The following SLC5A12 variants were observed in gnomAD, a reference collection of about 807,000 sequenced individuals.
SLC5A12 encodes solute carrier family 5 member 12, also known as sodium-coupled monocarboxylate transporter 2.
In SLC5A12, 46 loss-of-function variants were observed where a neutral mutation model predicts 72.7. The ratio of observed to expected loss-of-function variants is 0.63; its 90% CI spans 0.50 to 0.81. The LOEUF (loss-of-function observed/expected upper bound fraction) is 0.81. Among genes scored for constraint, SLC5A12 ranks in the 30% least tolerant of loss-of-function variants. The pLI is 0.00. For missense variants in SLC5A12, 683 were observed against 740.7 expected, an observed-to-expected ratio of 0.92 and a Z score of 0.90; for synonymous variants, 275 against 264.4, an observed-to-expected ratio of 1.04 and a Z score of -0.39.
chr11:26,685,628 A>AAC (rs1854513236), intron 10 of SLC5A12, among the ~76,000 whole-genome samples: 1 of 151,484 alleles, frequency 6.6e-6, no homozygotes, highest in Non-Finnish European at 1.5e-5. Flanking sequence ...ACAAACAAAA[A>AAC]AACAAAAAAA....
At chr11:26,721,350 AGAG>A in intron 1 of SLC5A12, 23 bp downstream of exon 1, 3 of 1,541,444 alleles carry the variant, frequency 1.9e-6, no homozygotes, top group Non-Finnish European at 1.8e-6. Context: ...AAAAAAAATT[AGAG>A]AAGAATGGAG....
chr11:26,693,937 G>A (rs747450879), intron 8 of SLC5A12, among the ~76,000 whole-genome samples: 2 of 152,076 alleles, frequency 1.3e-5, no homozygotes, highest in African/African-American at 2.4e-5. Context: ...AGTTAAATAA[G>A]GAGAGAAGGG....
chr11:26,669,683 A>G lies in SLC5A12; in HGVS notation c.*1419T>C, dbSNP rs1020498031. The G allele has an allele frequency of 1.3e-5, 2 of 148,264 alleles. No homozygotes were observed. Among genetic ancestry groups the G allele is most frequent in the African/African-American group, 5.3e-5 (2 of 37,878 alleles). 9.2% of individuals were successfully genotyped at this position (148,264 alleles called of 1,614,324 possible). On this transcript the variant is annotated 3_prime_UTR_variant, in exon 15 of 15. Coordinates refer to ENST00000396005, the MANE Select transcript of SLC5A12 (RefSeq NM_178498.4). ...GTCTGTCTTTCTATCTTTTCTAATA[A>G]TAAATACTGGTAATTTATTTTTTCT...
At chr11:26,711,455 T>C in intron 2 of SLC5A12, 97 bp from the exon 3 acceptor site, 1 of 887,352 alleles carries the variant, frequency 1.1e-6, no homozygotes, top group Admixed American at 2.1e-5. Flanking sequence ...TTGTATTCTC[T>C]TCAACTTGTT....
rs200149144 is a variant in SLC5A12, at chr11:26,698,474, A to C, written c.883T>G (p.Leu295Val). Residue 295 changes from leucine (L) to valine (V), a missense_variant, in exon 7 of 15, where the codon TTA (leucine) becomes GTA (valine). Physicochemically the swap from Leu to Val is conservative, Grantham distance 32. Transcript: ENST00000396005. ...IILVCAVFSG[L>V]IMYSHFKDCD... Reference sequence around the variant, plus strand: ...TCTTTAAAGTGAGAGTACATGATTAAGCCAGAGAAGACAGCACACACCAGA... The same window carrying C: ...TCTTTAAAGTGAGAGTACATGATTACGCCAGAGAAGACAGCACACACCAGA... 1.9e-6 allele frequency: 3 copies of C among 1,614,086 alleles called. No homozygotes were observed. Among genetic ancestry groups the C allele is most frequent in the African/African-American group, 2.7e-5 (2 of 75,034 alleles).
chr11:26,705,779 T>C (rs1248821106), intron 4 of SLC5A12, among the ~76,000 whole-genome samples: 2 of 152,076 alleles, frequency 1.3e-5, no homozygotes, highest in Admixed American at 1.3e-4. Flanking sequence ...ATACTTGGCA[T>C]TGGTTGTGCA....
intron 6 of SLC5A12, among the ~76,000 whole-genome samples, chr11:26,702,632 G>T (rs765139272): frequency 3.3e-5 from 5 of 152,110 alleles, no homozygotes; most frequent in African/African-American, 4.8e-5. Context: ...GCAGGGCTTG[G>T]AAAATGCATG....
chr11:26,673,740 T>C (rs1425733479), intron 13 of SLC5A12, among the ~76,000 whole-genome samples: 3 of 152,196 alleles, frequency 2.0e-5, no homozygotes. Flanking sequence ...GGTAGACTCA[T>C]GACTGTAGAG....
At chr11:26,702,943 T>C (rs12284496) in intron 6 of SLC5A12, among the ~76,000 whole-genome samples, 5,450 of 152,274 alleles carry the variant, frequency 0.036, 329 homozygotes, top group African/African-American at 0.12. Context: ...TCCAATCGGA[T>C]AGACCAAGTA....
At chr11:26,671,318 A>G (rs1854137534) in intron 14 of SLC5A12, 67 bp from the exon 15 acceptor site, 4 of 1,428,570 alleles carry the variant, frequency 2.8e-6, no homozygotes, top group Admixed American at 4.8e-5. Flanking sequence ...ACCTGAGAGA[A>G]TCTTGTTTAG....
At chr11:26,701,035 A>G (rs532146108) in intron 6 of SLC5A12, among the ~76,000 whole-genome samples, 2 of 152,274 alleles carry the variant, frequency 1.3e-5, no homozygotes, top group East Asian at 3.9e-4. Context: ...AGAACATCTC[A>G]TCAACATCTT....
chr11:26,681,038 C>T lies in SLC5A12; in HGVS notation c.1475+17G>A, dbSNP rs1854399561. 6.4e-7 allele frequency: 1 copy of T among 1,572,752 alleles called. No homozygotes were observed. Among genetic ancestry groups the T allele is most frequent in the Admixed American group, 1.8e-5 (1 of 55,244 alleles). ...CCCACTCTCTGGGACTTAGCACCAT[C>T]TATAAAGTCAGCATACCTGCTGGAT... is the stretch of plus-strand genomic sequence containing the variant. On this transcript the variant is annotated intron_variant, in intron 12 of 14. Transcript: ENST00000396005.
chr11:26,683,026 C>T (rs1427804006), intron 11 of SLC5A12, among the ~76,000 whole-genome samples: 1 of 151,994 alleles, frequency 6.6e-6, no homozygotes, highest in Non-Finnish European at 1.5e-5. Flanking sequence ...ATAGTATATA[C>T]ATTAATAAGT....
intron 11 of SLC5A12, among the ~76,000 whole-genome samples, chr11:26,682,505 T>C (rs1225455935): frequency 1.3e-5 from 2 of 152,138 alleles, no homozygotes; most frequent in Admixed American, 1.3e-4. Context: ...GTTAGTAGGA[T>C]CAGCTATGGC....
chr11:26,678,159 G>C (rs559939959), intron 13 of SLC5A12, among the ~76,000 whole-genome samples: 25 of 152,134 alleles, frequency 1.6e-4, no homozygotes, highest in Non-Finnish European at 2.6e-4. Flanking sequence ...TAGTAAGTTA[G>C]CAAAGGCTGA....
intron 1 of SLC5A12, among the ~76,000 whole-genome samples, chr11:26,716,556 AC>A (rs1042832081): frequency 6.6e-6 from 1 of 152,146 alleles, no homozygotes; most frequent in African/African-American, 2.4e-5. Context: ...GGTGACATTT[AC>A]CAACATTATG....
At chr11:26,677,101 T>G (rs1156938770) in intron 13 of SLC5A12, among the ~76,000 whole-genome samples, 3 of 152,012 alleles carry the variant, frequency 2.0e-5, no homozygotes, top group Non-Finnish European at 4.4e-5. Context: ...AGGCTAGCCC[T>G]AAGGCCTCAT....
In SLC5A12 at chr11:26,667,342, TTTGA is replaced by T. The variant is rs1854019315; in HGVS notation, c.*3756_*3759del. 6.6e-6 allele frequency: 1 copy of T among 151,964 alleles called. No individual in the cohort carries two copies. The highest frequency in any genetic ancestry group is 2.1e-4 in the South Asian group (1 of 4,828). The allele number at this position is 151,964 out of a possible 1,614,324, so 9.4% of individuals were successfully genotyped here. On this transcript the variant is annotated 3_prime_UTR_variant, in exon 15 of 15. Coordinates refer to ENST00000396005, the MANE Select transcript of SLC5A12 (RefSeq NM_178498.4). ...TCCGTATCTGATCTTTGTAATAATG[TTTGA>T]TTAAGACTGTAACAGCACAAAAATA...
chr11:26,685,295 C>A (rs948112758), intron 10 of SLC5A12, among the ~76,000 whole-genome samples: 7 of 152,248 alleles, frequency 4.6e-5, no homozygotes, highest in Admixed American at 2.6e-4. Context: ...TTATTGAAAA[C>A]TTATGCCATG....
Sources: allele counts gnomAD v4.1 joint callset (sites outside exome capture counted in the v4.1 genomes callset), GRCh38; gene constraint gnomAD v4.1.1; transcripts MANE v1.5; gene names NCBI Gene and HGNC (gene_info 2026-07-23, HGNC 2026-07-21).